The following MYO1D variants were observed in gnomAD, a reference collection of about 807,000 sequenced individuals.
MYO1D encodes unconventional myosin-Id.
In MYO1D, 83 loss-of-function variants were observed where a neutral mutation model predicts 122.0. The ratio of observed to expected loss-of-function variants is 0.68; its 90% confidence interval spans 0.57 to 0.82. MYO1D has a LOEUF of 0.82. MYO1D is among the 40% of genes least tolerant of loss of function. The pLI is 0.00. For synonymous variants in MYO1D, 464 were observed against 446.9 expected (o/e 1.04, Z -0.48); for missense variants, 1,157 against 1,269.5 (o/e 0.91, Z 1.35).
At chr17:32,529,785 G>A (rs1376551298) in intron 21 of MYO1D, 2 of 152,252 alleles carry the variant, frequency 1.3e-5, no homozygotes, top group African/African-American at 4.8e-5. Context: ...TCCTCTCCAC[G>A]ATCATGGCTG....
At position 32,780,723 on chromosome 17, in the gene MYO1D, T is replaced by G; in HGVS notation, c.157A>C (p.Lys53Gln). Reference sequence around the variant, plus strand: ...TCTCTTCCATAGATGTTCAACAACTTGTAAGGGTTCACAGAAACGACGACT... The same window carrying G: ...TCTCTTCCATAGATGTTCAACAACTGGTAAGGGTTCACAGAAACGACGACT... Reference protein sequence around the residue: ...GEVVVSVNPYKLLNIYGRDTI... With the variant: ...GEVVVSVNPYQLLNIYGRDTI... The change falls in exon 2 of 22, where the codon AAG (lysine) becomes CAG (glutamine). Residue 53 changes from lysine (K) to glutamine (Q), a missense_variant. By Grantham distance (53) the Lys-to-Gln change is moderately conservative. Coordinates refer to ENST00000318217, the MANE Select transcript of MYO1D (RefSeq NM_015194.3). The G allele has an allele frequency of 6.2e-7, 1 of 1,614,150 alleles. No individual in the cohort carries two copies.
chr17:32,871,550 G>A (rs2091180604), intron 1 of MYO1D, among the ~76,000 whole-genome samples: 1 of 152,218 alleles, frequency 6.6e-6, no homozygotes, highest in South Asian at 2.1e-4. Context: ...AAATTTCTGA[G>A]AAGCCAAGAT....
intron 21 of MYO1D, among the ~76,000 whole-genome samples, chr17:32,567,748 G>A (rs191183069): frequency 6.6e-6 from 1 of 152,314 alleles, no homozygotes; most frequent in Admixed American, 6.5e-5. Context: ...GAAGAAGGGA[G>A]CATATGTGCA....
chr17:32,628,613 G>A (rs1228406360), intron 20 of MYO1D, among the ~76,000 whole-genome samples: 2 of 152,180 alleles, frequency 1.3e-5, no homozygotes, highest in Non-Finnish European at 2.9e-5. Flanking sequence ...AAAGAGTGAA[G>A]AGATGGTTCT....
chr17:32,566,406 C>T (rs913867906), intron 21 of MYO1D, among the ~76,000 whole-genome samples: 1 of 152,072 alleles, frequency 6.6e-6, no homozygotes, highest in African/African-American at 2.4e-5. Context: ...GCACAGGGCA[C>T]GGCACCGGAG....
intron 1 of MYO1D, among the ~76,000 whole-genome samples, chr17:32,873,373 G>A (rs1229417507): frequency 1.3e-5 from 2 of 152,190 alleles, no homozygotes; most frequent in African/African-American, 2.4e-5. Flanking sequence ...CCAGACTGGG[G>A]AGTAAGAGCA....
At chr17:32,577,223 C>A (rs2087287084) in intron 21 of MYO1D, among the ~76,000 whole-genome samples, 1 of 142,580 alleles carries the variant, frequency 7.0e-6, no homozygotes, top group Admixed American at 6.8e-5. Flanking sequence ...TGCACTCCAG[C>A]CTGGGCGACA....
At chr17:32,832,468 T>A (rs1456723404) in intron 1 of MYO1D, among the ~76,000 whole-genome samples, 2 of 151,974 alleles carry the variant, frequency 1.3e-5, no homozygotes, top group African/African-American at 4.8e-5. Context: ...CCCAGCTAAT[T>A]TTTGTATTTT....
At chr17:32,715,636 T>C (rs945382509) in intron 15 of MYO1D, among the ~76,000 whole-genome samples, 1 of 152,090 alleles carries the variant, frequency 6.6e-6, no homozygotes, top group Non-Finnish European at 1.5e-5. Flanking sequence ...TAATAAAACA[T>C]TCCAAATATA....
At chr17:32,561,551 G>A (rs188058714) in intron 21 of MYO1D, among the ~76,000 whole-genome samples, 25 of 151,280 alleles carry the variant, frequency 1.7e-4, no homozygotes, top group East Asian at 7.9e-4. Context: ...TTAGCTGGGC[G>A]TGGTGGTGCG....
intron 1 of MYO1D, among the ~76,000 whole-genome samples, chr17:32,833,090 A>T (rs1162575326): frequency 6.6e-6 from 1 of 152,126 alleles, no homozygotes; most frequent in East Asian, 1.9e-4. Context: ...CTGTACATCC[A>T]CTTGCCTACT....
chr17:32,873,842 G>C (rs575437417), intron 1 of MYO1D, among the ~76,000 whole-genome samples: 1 of 152,186 alleles, frequency 6.6e-6, no homozygotes, highest in Non-Finnish European at 1.5e-5. Context: ...TGTACACCCA[G>C]GATTTTGAAT....
intron 16 of MYO1D, among the ~76,000 whole-genome samples, chr17:32,698,231 GT>G (rs1238158439): frequency 6.6e-6 from 1 of 151,986 alleles, no homozygotes; most frequent in African/African-American, 2.4e-5. Flanking sequence ...TAGGTTTTGT[GT>G]TTTCTTTCTT....
At chr17:32,623,446 G>A (rs1237799914) in intron 20 of MYO1D, among the ~76,000 whole-genome samples, 1 of 152,088 alleles carries the variant, frequency 6.6e-6, no homozygotes, top group Admixed American at 6.6e-5. Flanking sequence ...TGGTGGGGAT[G>A]GGGGGTCGTT....
chr17:32,560,085 A>ATG (rs1307084239), intron 21 of MYO1D, among the ~76,000 whole-genome samples: 1 of 151,990 alleles, frequency 6.6e-6, no homozygotes, highest in Non-Finnish European at 1.5e-5. Flanking sequence ...TGAAACCCCC[A>ATG]TCTCTACTAA....
At chr17:32,758,741 T>C (rs2151015020) in intron 10 of MYO1D, among the ~76,000 whole-genome samples, 1 of 152,310 alleles carries the variant, frequency 6.6e-6, no homozygotes, top group South Asian at 2.1e-4. Context: ...TCACTATGTT[T>C]AGAAGTTTGG....
At chr17:32,788,054 CGT>C (rs149464476) in intron 1 of MYO1D, among the ~76,000 whole-genome samples, 20 of 150,680 alleles carry the variant, frequency 1.3e-4, no homozygotes, top group Admixed American at 7.3e-4. Flanking sequence ...CTGCTATAAA[CGT>C]GTGTGTGTGT....
intron 21 of MYO1D, among the ~76,000 whole-genome samples, chr17:32,587,679 C>T (rs62068379): frequency 0.033 from 5,054 of 152,264 alleles, 94 homozygotes; most frequent in Middle Eastern, 0.075. Flanking sequence ...GCTGTGAATA[C>T]CTGGGGTTCT....
At chr17:32,518,195 C>T (rs1909966806) in intron 21 of MYO1D, 1 of 199,364 alleles carries the variant, frequency 5.0e-6, no homozygotes, top group South Asian at 5.9e-5. Flanking sequence ...CTTCTCATTT[C>T]TTTCGTCAAC....
Sources: allele counts gnomAD v4.1 joint callset (sites outside exome capture counted in the v4.1 genomes callset), GRCh38; gene constraint gnomAD v4.1.1; transcripts MANE v1.5; gene names NCBI Gene and HGNC (gene_info 2026-07-23, HGNC 2026-07-21).